ANK1: variants seen among roughly 807,000 people sequenced by gnomAD.
The protein encoded by ANK1 is ankyrin 1, also known as ankyrin-1.
A neutral mutation model predicts 210.4 loss-of-function variants in ANK1; 51 were observed. The observed-to-expected ratio is 0.24, with a 90% CI of 0.19 to 0.31. The LOEUF is 0.31. ANK1 is among the 10% of genes least tolerant of loss of function. ANK1 has a pLI of 1.00. For synonymous variants in ANK1, 967 were observed against 1,025.9 expected (o/e 0.94, Z 1.10); for missense variants, 2,051 against 2,504.4 (o/e 0.82, Z 3.86).
At chr8:41,701,197 A>C (rs1439412891) in intron 22 of ANK1, among the ~76,000 whole-genome samples, 3 of 152,228 alleles carry the variant, frequency 2.0e-5, no homozygotes, top group Non-Finnish European at 4.4e-5. Flanking sequence ...TCAAAGCACA[A>C]AGAAAGAACC....
Position 41,773,099 on chromosome 8 carries a change from G to C in ANK1, c.28-14962C>G, listed in dbSNP as rs563225599. ...ATTCCTTCTTAACCTTAATGGCAGT[G>C]ACAGAAGAAAGGGAGAGAGGAATGG... On this transcript the variant is annotated intron_variant, in intron 1 of 42. Coordinates refer to ENST00000289734, the MANE Select transcript of ANK1 (RefSeq NM_000037.4). 2.6e-5 allele frequency among the ~76,000 whole-genome samples: 4 copies of C among 152,316 alleles called. No individual in the cohort carries two copies. In the South Asian group the frequency reaches 8.3e-4, roughly 32 times the overall value.
intron 1 of ANK1, among the ~76,000 whole-genome samples, chr8:41,772,140 G>A (rs539256081): frequency 3.3e-5 from 5 of 152,256 alleles, no homozygotes; most frequent in South Asian, 2.1e-4. Flanking sequence ...GGCAATGACC[G>A]TCGCGCTTAA....
At chr8:41,895,438 T>A (rs1820294112) in intron 1 of ANK1, among the ~76,000 whole-genome samples, 1 of 152,186 alleles carries the variant, frequency 6.6e-6, no homozygotes, top group Non-Finnish European at 1.5e-5. Context: ...CAAAGGTGTT[T>A]CTGACCTAAG....
chr8:41,659,110 T>A (rs1192191879), intron 42 of ANK1, among the ~76,000 whole-genome samples: 3 of 152,216 alleles, frequency 2.0e-5, no homozygotes, highest in Non-Finnish European at 4.4e-5. Context: ...GGTTGACTCA[T>A]TAACACTGAC....
At chr8:41,762,412 T>C (rs770480104) in intron 1 of ANK1, among the ~76,000 whole-genome samples, 5 of 152,222 alleles carry the variant, frequency 3.3e-5, no homozygotes, top group Non-Finnish European at 5.9e-5. Context: ...CTCTAGCTAT[T>C]GAATTCAGGC....
chr8:41,864,040 C>A (rs375793099), intron 1 of ANK1, among the ~76,000 whole-genome samples: 6 of 151,992 alleles, frequency 3.9e-5, no homozygotes, highest in African/African-American at 1.4e-4. Flanking sequence ...GTCAGGAGAT[C>A]GAGATCCAGA....
chr8:41,814,268 G>C (rs190679991), intron 1 of ANK1, among the ~76,000 whole-genome samples: 2 of 151,914 alleles, frequency 1.3e-5, no homozygotes, highest in East Asian at 3.9e-4. Flanking sequence ...GCTGAGGCAG[G>C]AGAATGGCGT....
chr8:41,774,384 A>G lies in ANK1; in HGVS notation c.28-16247T>C, dbSNP rs555665712. On this transcript the variant is annotated intron_variant, in intron 1 of 42. Coordinates refer to ENST00000289734, the MANE Select transcript of ANK1 (RefSeq NM_000037.4). ...CAACTCAGATTTCTAAATGAATCAG[A>G]TGTTCGGGGCTAGTTGACTAAATTG... is the stretch of plus-strand genomic sequence containing the variant. 2.0e-5 allele frequency among the ~76,000 whole-genome samples: 3 copies of G among 152,320 alleles called. No homozygotes were observed. The South Asian group carries it at 6.2e-4, about 32-fold the overall frequency.
upstream of ANK1, among the ~76,000 whole-genome samples, chr8:41,798,529 G>C (rs1849278578): frequency 6.6e-6 from 1 of 152,214 alleles, no homozygotes; most frequent in Non-Finnish European, 1.5e-5. Flanking sequence ...GGCCTAGGAA[G>C]CCGCCTTTTG....
intron 1 of ANK1, among the ~76,000 whole-genome samples, chr8:41,872,154 G>C (rs1166070308): frequency 6.6e-6 from 1 of 152,190 alleles, no homozygotes; most frequent in Non-Finnish European, 1.5e-5. Context: ...CCTCCAAAAG[G>C]GTGCTGCAAG....
chr8:41,748,424 A>G (rs1335856596), intron 2 of ANK1, among the ~76,000 whole-genome samples: 1 of 152,216 alleles, frequency 6.6e-6, no homozygotes, highest in African/African-American at 2.4e-5. Flanking sequence ...CTAGATCTAT[A>G]CAGATCTAGC....
intron 14 of ANK1, 128 bp downstream of exon 14, chr8:41,715,524 A>G (rs970532173): frequency 8.0e-7 from 1 of 1,250,342 alleles, no homozygotes; most frequent in African/African-American, 1.5e-5. Context: ...CCTGAGTGTG[A>G]CGACCCTTCC....
chr8:41,790,440 C>A (rs1847412841), intron 1 of ANK1, among the ~76,000 whole-genome samples: 1 of 152,188 alleles, frequency 6.6e-6, no homozygotes, highest in East Asian at 1.9e-4. Context: ...AGCCACCACA[C>A]CCGGCCTGGG....
At chr8:41,657,179 A>T (rs1806033789) in intron 42 of ANK1, among the ~76,000 whole-genome samples, 1 of 152,134 alleles carries the variant, frequency 6.6e-6, no homozygotes, top group African/African-American at 2.4e-5. Flanking sequence ...TGTATTTTGT[A>T]AAAATACAAA....
At chr8:41,803,009 GAA>G (rs1329817605) in intron 1 of ANK1, among the ~76,000 whole-genome samples, 2 of 82,810 alleles carry the variant, frequency 2.4e-5, no homozygotes, top group African/African-American at 1.1e-4. Flanking sequence ...AAGAAAGAAA[GAA>G]AGAAAGAAAG....
At chr8:41,878,281 C>T (rs1208109637) in intron 1 of ANK1, among the ~76,000 whole-genome samples, 1 of 152,194 alleles carries the variant, frequency 6.6e-6, no homozygotes, top group Non-Finnish European at 1.5e-5. Flanking sequence ...CTGGTGCCCC[C>T]ACCCTGGGCA....
intron 1 of ANK1, among the ~76,000 whole-genome samples, chr8:41,766,882 G>A (rs1371724411): frequency 6.6e-6 from 1 of 152,160 alleles, no homozygotes; most frequent in Non-Finnish European, 1.5e-5. Context: ...TGAGTTTTAG[G>A]GGCCAGACGT....
chr8:41,721,517 CGT>C (rs1829254643), intron 9 of ANK1, among the ~76,000 whole-genome samples: 2 of 151,904 alleles, frequency 1.3e-5, no homozygotes, highest in South Asian at 4.2e-4. Context: ...ATAGGCCAGG[CGT>C]GGTGGCATTT....
upstream of ANK1, chr8:41,797,687 C>A: frequency 3.2e-6 from 4 of 1,249,554 alleles, no homozygotes; most frequent in Non-Finnish European, 3.2e-6. The surrounding 1 kb of genome is among the most constrained non-coding windows in gnomAD (Gnocchi z 4.0). Flanking sequence ...CGCTTGCTGT[C>A]GGGCCGGGCG....
Sources: allele counts gnomAD v4.1 joint callset (sites outside exome capture counted in the v4.1 genomes callset), GRCh38; gene constraint gnomAD v4.1.1; non-coding constraint Gnocchi (gnomAD v3.1); transcripts MANE v1.5; gene names NCBI Gene and HGNC (gene_info 2026-07-23, HGNC 2026-07-21).